GRIP1: variants seen among roughly 807,000 people sequenced by gnomAD.
GRIP1 encodes glutamate receptor interacting protein 1.
In GRIP1, 45 loss-of-function variants were observed where a neutral mutation model predicts 129.9. The ratio of observed to expected loss-of-function variants is 0.35; its 90% CI spans 0.27 to 0.44. GRIP1 has a LOEUF of 0.44. Among genes scored for constraint, GRIP1 ranks in the 20% least tolerant of loss-of-function variants. The pLI, the probability that GRIP1 is intolerant of heterozygous loss-of-function variation, is 1.00. For synonymous variants in GRIP1, 530 were observed against 520.8 expected, an observed-to-expected ratio of 1.02 and a Z score of -0.24; for missense variants, 1,196 against 1,396.8, an observed-to-expected ratio of 0.86 and a Z score of 2.29.
At chr12:67,028,901 G>A (rs1195987131) in intron 1 of GRIP1, among the ~76,000 whole-genome samples, 1 of 152,002 alleles carries the variant, frequency 6.6e-6, no homozygotes, top group East Asian at 1.9e-4. Flanking sequence ...GTTATTTACT[G>A]CAGCATCTAA....
At chr12:66,525,785 T>G (rs1049137179) in intron 5 of GRIP1, among the ~76,000 whole-genome samples, 4 of 152,102 alleles carry the variant, frequency 2.6e-5, no homozygotes, top group South Asian at 2.1e-4. Context: ...GAAAACCCCA[T>G]CGTCTCAGCC....
chr12:66,784,698 A>G (rs776877153), intron 1 of GRIP1, among the ~76,000 whole-genome samples: 1 of 152,192 alleles, frequency 6.6e-6, no homozygotes, highest in Non-Finnish European at 1.5e-5. Context: ...AATCTTTTTT[A>G]AAAACTACTC....
intron 1 of GRIP1, among the ~76,000 whole-genome samples, chr12:66,923,934 T>C (rs2041253975): frequency 6.6e-6 from 1 of 152,142 alleles, no homozygotes; most frequent in Non-Finnish European, 1.5e-5. Flanking sequence ...AGCCTCCGCC[T>C]CCCAGGTTCA....
intron 1 of GRIP1, among the ~76,000 whole-genome samples, chr12:66,713,745 G>A (rs1451144069): frequency 1.3e-5 from 2 of 151,882 alleles, no homozygotes; most frequent in Non-Finnish European, 2.9e-5. Flanking sequence ...TGTTTTTGTT[G>A]ATCAGAAACT....
chr12:66,443,435 T>TTTTC (rs1165628291), intron 13 of GRIP1, among the ~76,000 whole-genome samples: 1 of 151,762 alleles, frequency 6.6e-6, no homozygotes, highest in Admixed American at 6.5e-5. Flanking sequence ...AATATTTTTT[T>TTTTC]TTTCTTTTCT....
chr12:66,578,672 G>A (rs2063238356), intron 2 of GRIP1, among the ~76,000 whole-genome samples: 1 of 152,226 alleles, frequency 6.6e-6, no homozygotes, highest in Non-Finnish European at 1.5e-5. Context: ...AGCAGTCTGA[G>A]ATCAAACTGC....
intron 1 of GRIP1, among the ~76,000 whole-genome samples, chr12:66,940,772 A>T (rs554609504): frequency 1.3e-5 from 2 of 152,328 alleles, no homozygotes; most frequent in South Asian, 4.1e-4. Flanking sequence ...CCTTATCAGC[A>T]TGAGTAATGG....
At position 66,430,531 on chromosome 12, in the gene GRIP1, A is replaced by G. The variant is rs546937417; in HGVS notation, c.1768+2017T>C. Among the ~76,000 whole-genome samples, 5 of 152,344 alleles carry G rather than the reference A, an allele frequency of 3.3e-5. No homozygotes were observed. The South Asian group carries it at 1.0e-3, about 32-fold the overall frequency. On this transcript the variant is annotated intron_variant, in intron 14 of 24. Coordinates refer to ENST00000359742, the MANE Select transcript of GRIP1 (RefSeq NM_001366722.1). ...AAACACTCATGCAAAACAAAACACC[A>G]TCATAAAGCATAATATTAAATGATT...
At chr12:67,051,461 AG>A (rs1490391139) in intron 1 of GRIP1, among the ~76,000 whole-genome samples, 1 of 152,228 alleles carries the variant, frequency 6.6e-6, no homozygotes, top group Non-Finnish European at 1.5e-5. Context: ...CTCTGGCAAA[AG>A]ATTCCGTAAT....
In GRIP1 at chr12:66,999,916, T is replaced by C. The variant is rs538916816; in HGVS notation, c.58+69134A>G. 1.9e-4 allele frequency among the ~76,000 whole-genome samples: 29 copies of C among 152,258 alleles called. 1 individual carries two copies. Among genetic ancestry groups the C allele is most frequent in the Admixed American group, 1.0e-3 (16 of 15,270 alleles). On this transcript the variant is annotated intron_variant, in intron 1 of 1. Coordinates refer to the GRIP1 transcript ENST00000643019. ...CTTACACCTTCCTGCACTCATAATT[T>C]TTCTCACGCTGTTCTCCTTTCAAAG... is the stretch of plus-strand genomic sequence containing the variant.
At chr12:66,713,771 C>T (rs1430559965) in intron 1 of GRIP1, among the ~76,000 whole-genome samples, 1 of 152,040 alleles carries the variant, frequency 6.6e-6, no homozygotes, top group African/African-American at 2.4e-5. Context: ...TGTTGTTATA[C>T]ATCTGCTTCC....
At chr12:66,755,474 T>C (rs769113384) in intron 1 of GRIP1, among the ~76,000 whole-genome samples, 7 of 152,202 alleles carry the variant, frequency 4.6e-5, no homozygotes, top group Non-Finnish European at 7.3e-5. Context: ...AAGAAAGGTA[T>C]AGTAGCAATG....
At chr12:66,417,860 A>G (rs1396397610) in intron 15 of GRIP1, among the ~76,000 whole-genome samples, 1 of 152,144 alleles carries the variant, frequency 6.6e-6, no homozygotes, top group African/African-American at 2.4e-5. Context: ...TATCCATACT[A>G]CCCAGAGCAA....
chr12:66,657,540 T>C (rs1334089677), intron 1 of GRIP1, among the ~76,000 whole-genome samples: 2 of 152,244 alleles, frequency 1.3e-5, no homozygotes, highest in Non-Finnish European at 2.9e-5. Context: ...TCAGGTCTGT[T>C]ACATTAACAG....
chr12:67,062,787 T>A (rs1275641576), intron 1 of GRIP1, among the ~76,000 whole-genome samples: 3 of 152,240 alleles, frequency 2.0e-5, no homozygotes, highest in Non-Finnish European at 4.4e-5. Context: ...CTACACTAGA[T>A]TCTTTGTTTT....
intron 1 of GRIP1, among the ~76,000 whole-genome samples, chr12:66,611,432 A>C (rs1004638263): frequency 1.3e-5 from 2 of 152,210 alleles, no homozygotes; most frequent in Non-Finnish European, 2.9e-5. Flanking sequence ...GAAAGCCTTA[A>C]GCAACTTGCA....
intron 1 of GRIP1, among the ~76,000 whole-genome samples, chr12:66,624,927 T>C (rs545839790): frequency 1.3e-5 from 2 of 152,116 alleles, no homozygotes; most frequent in South Asian, 2.1e-4. Flanking sequence ...GGTTTTGCCA[T>C]GTTTTAAAAC....
chr12:66,972,828 C>A (rs1362624120), intron 1 of GRIP1, among the ~76,000 whole-genome samples: 1 of 152,170 alleles, frequency 6.6e-6, no homozygotes, highest in African/African-American at 2.4e-5. Context: ...ACCATGAAAC[C>A]CCTAAACTTA....
At chr12:66,372,783 A>C (rs1209882084) in intron 22 of GRIP1, among the ~76,000 whole-genome samples, 3 of 152,078 alleles carry the variant, frequency 2.0e-5, no homozygotes, top group Non-Finnish European at 4.4e-5. Flanking sequence ...TTTGAAACCA[A>C]TATCAAGTAG....
Sources: allele counts gnomAD v4.1 joint callset (sites outside exome capture counted in the v4.1 genomes callset), GRCh38; gene constraint gnomAD v4.1.1; transcripts MANE v1.5; gene names NCBI Gene and HGNC (gene_info 2026-07-23, HGNC 2026-07-21).